Variants in SFI1 observed in about 807,000 individuals in gnomAD.
SFI1 encodes the protein protein SFI1 homolog.
SFI1 carries 195 observed loss-of-function variants against 207.5 expected under a neutral mutation model. The observed-to-expected ratio is 0.94, with a 90% CI of 0.84 to 1.06. The LOEUF (loss-of-function observed/expected upper bound fraction) is 1.06, where lower values mean the gene tolerates loss of function less well. Ranked by LOEUF, SFI1 falls within the 50% of genes least tolerant of loss-of-function variation. SFI1 has a pLI of 0.00. For synonymous variants in SFI1, 630 were observed against 598.9 expected (o/e 1.05, Z -0.76); for missense variants, 1,634 against 1,588.0 (o/e 1.03, Z -0.49).
intron 12 of SFI1, among the ~76,000 whole-genome samples, chr22:31,581,919 G>A (rs2064229382): frequency 1.3e-5 from 2 of 151,710 alleles, no homozygotes; most frequent in Admixed American, 6.6e-5. Flanking sequence ...TTCAGCATGC[G>A]TCACTCAGAG....
intron 7 of SFI1, among the ~76,000 whole-genome samples, chr22:31,560,283 A>G (rs1208741997): frequency 6.6e-6 from 1 of 152,180 alleles, no homozygotes; most frequent in African/African-American, 2.4e-5. Flanking sequence ...AGACTGAAAC[A>G]AAAGTCTGAC....
At chr22:31,609,563 T>C (rs1393341811) in intron 22 of SFI1, among the ~76,000 whole-genome samples, 1 of 152,262 alleles carries the variant, frequency 6.6e-6, no homozygotes, top group Non-Finnish European at 1.5e-5. Context: ...GTTGGTTTAA[T>C]AGAGTTTGCT....
At chr22:31,599,480 C>A (rs563958176) in intron 15 of SFI1, among the ~76,000 whole-genome samples, 2 of 152,144 alleles carry the variant, frequency 1.3e-5, no homozygotes, top group Non-Finnish European at 2.9e-5. Context: ...GCACACGCCA[C>A]CACGCCCAGC....
chr22:31,569,326 G>A (rs2062711850), intron 8 of SFI1, among the ~76,000 whole-genome samples: 1 of 152,142 alleles, frequency 6.6e-6, no homozygotes, highest in Non-Finnish European at 1.5e-5. Flanking sequence ...GACATGATGT[G>A]CCTCATGATA....
chr22:31,554,436 T>G (rs2060959249), intron 6 of SFI1, among the ~76,000 whole-genome samples: 2 of 151,848 alleles, frequency 1.3e-5, no homozygotes, highest in South Asian at 2.1e-4. Context: ...AGCCTCCCAA[T>G]TAGCTGGGAC....
intron 2 of SFI1, among the ~76,000 whole-genome samples, chr22:31,515,320 CGTGT>C (rs3068283): frequency 0.46 from 69,676 of 150,132 alleles, 16,538 homozygotes; most frequent in Middle Eastern, 0.58. Context: ...TCTCATTGTT[CGTGT>C]GTGTGTGTGT....
At chr22:31,602,177 GT>G (rs1408151116) in intron 15 of SFI1, 34 bp from the exon 16 acceptor site, 7 of 1,559,016 alleles carry the variant, frequency 4.5e-6, no homozygotes, top group African/African-American at 2.7e-5. Context: ...TTTTATGTTT[GT>G]TTTAAGTGCT....
At chr22:31,497,979 C>T (rs2053019011) in intron 1 of SFI1, among the ~76,000 whole-genome samples, 1 of 152,190 alleles carries the variant, frequency 6.6e-6, no homozygotes, top group Non-Finnish European at 1.5e-5. Context: ...GTAATTTTGA[C>T]TTTCAAGTCA....
intron 4 of SFI1, among the ~76,000 whole-genome samples, chr22:31,545,467 G>A (rs908519075): frequency 2.0e-5 from 3 of 152,034 alleles, no homozygotes; most frequent in Admixed American, 1.3e-4. Flanking sequence ...TGAGCCCAAG[G>A]GTTTGAGAAC....
At position 31,580,273 on chromosome 22, in the gene SFI1, ATT is replaced by A. The variant is rs759565035; in HGVS notation, c.1161_1162del (p.Phe387LeufsTer3). ...CAGTTGTGTCCTTTCTTTGCACAGT[ATT>A]TTTGCTTTAGAGCCCTAAAAGACAA... On this transcript the variant is annotated frameshift_variant and splice_region_variant, in exon 12 of 33. Transcript: ENST00000400288. LOFTEE classifies it high-confidence loss of function. 20 of 1,612,782 alleles carry A rather than the reference ATT, an allele frequency of 1.2e-5. No homozygotes were observed. The highest frequency in any genetic ancestry group is 1.5e-5 in the Non-Finnish European group (18 of 1,179,072).
At chr22:31,589,202 A>ATG (rs1198754526) in intron 14 of SFI1, among the ~76,000 whole-genome samples, 1 of 98,038 alleles carries the variant, frequency 1.0e-5, no homozygotes, top group Non-Finnish European at 2.2e-5. Flanking sequence ...GAGTGTGTGT[A>ATG]TGTGTGTGCG....
At chr22:31,585,717 G>A (rs1371322427) in intron 14 of SFI1, among the ~76,000 whole-genome samples, 1 of 152,172 alleles carries the variant, frequency 6.6e-6, no homozygotes, top group East Asian at 1.9e-4. Flanking sequence ...GCACCAGGGT[G>A]ACAAATGAGT....
chr22:31,550,210 C>T (rs2060500223), intron 5 of SFI1, 44 bp from the exon 6 acceptor site: 3 of 1,543,210 alleles, frequency 1.9e-6, no homozygotes, highest in Non-Finnish European at 1.8e-6. Flanking sequence ...CGCGCCCGGC[C>T]TGTTATTTTG....
intron 2 of SFI1, among the ~76,000 whole-genome samples, chr22:31,523,277 A>G (rs923773998): frequency 1.3e-5 from 2 of 152,098 alleles, no homozygotes; most frequent in African/African-American, 2.4e-5. Flanking sequence ...TCCTGTACAG[A>G]TTGTCTTGTT....
At chr22:31,579,654 G>C (rs954087382) in intron 11 of SFI1, among the ~76,000 whole-genome samples, 1 of 152,074 alleles carries the variant, frequency 6.6e-6, no homozygotes, top group Non-Finnish European at 1.5e-5. Context: ...GTCTCCTTCT[G>C]TTGGCCAGGC....
intron 15 of SFI1, among the ~76,000 whole-genome samples, chr22:31,601,582 A>G (rs551092965): frequency 1.3e-5 from 2 of 152,322 alleles, no homozygotes; most frequent in Non-Finnish European, 2.9e-5. Flanking sequence ...GCTCTCATGA[A>G]CAATCCTTTA....
At chr22:31,547,145 C>T (rs567241331) in intron 5 of SFI1, among the ~76,000 whole-genome samples, 174 bp downstream of exon 5, 13 of 152,064 alleles carry the variant, frequency 8.5e-5, no homozygotes, top group East Asian at 7.7e-4. Flanking sequence ...CATGCATGCA[C>T]ATGCTGGGCA....
At chr22:31,554,621 T>C (rs1241012977) in intron 6 of SFI1, among the ~76,000 whole-genome samples, 1 of 150,478 alleles carries the variant, frequency 6.6e-6, no homozygotes, top group East Asian at 1.9e-4. Context: ...TTTTTTTTTT[T>C]TCAGATGGAG....
At chr22:31,589,399 T>TAA (rs772397910) in intron 14 of SFI1, 48 bp from the exon 15 acceptor site, 235 of 1,094,370 alleles carry the variant, frequency 2.1e-4, no homozygotes, top group South Asian at 7.5e-4. Flanking sequence ...AGGTCATGTT[T>TAA]AAAAAAAAAA....
Sources: gnomAD v4.1 joint callset for allele counts (sites outside exome capture counted in the v4.1 genomes callset) on GRCh38, gnomAD v4.1.1 for gene constraint, MANE v1.5 for transcripts, NCBI Gene and HGNC (gene_info 2026-07-23, HGNC 2026-07-21) for gene names.